GPR158: variants seen among roughly 807,000 people sequenced by gnomAD.
The protein encoded by GPR158 is G protein-coupled receptor 158.
A neutral mutation model predicts 78.2 loss-of-function variants in GPR158; 30 were observed. That is an observed-to-expected ratio of 0.38 (90% confidence interval 0.29 to 0.52). GPR158 has a LOEUF of 0.52. Among genes scored for constraint, GPR158 ranks in the 20% least tolerant of loss-of-function variants. GPR158 has a pLI of 0.83. For synonymous variants in GPR158, 581 were observed against 591.1 expected, an observed-to-expected ratio of 0.98 and a Z score of 0.25; for missense variants, 1,463 against 1,523.5, an observed-to-expected ratio of 0.96 and a Z score of 0.66.
intron 2 of GPR158, among the ~76,000 whole-genome samples, chr10:25,361,251 G>T (rs1855634998): frequency 2.0e-5 from 3 of 151,786 alleles, no homozygotes; most frequent in African/African-American, 7.3e-5. Flanking sequence ...CTATGTTGTG[G>T]CATATGATGG....
chr10:25,509,228 G>A (rs1205349602), intron 5 of GPR158, among the ~76,000 whole-genome samples: 1 of 152,146 alleles, frequency 6.6e-6, no homozygotes, highest in African/African-American at 2.4e-5. Context: ...GCTTCTGATT[G>A]ATTGAGAACT....
intron 2 of GPR158, among the ~76,000 whole-genome samples, chr10:25,337,263 G>T (rs969179780): frequency 6.6e-5 from 10 of 152,052 alleles, no homozygotes; most frequent in African/African-American, 2.4e-4. Flanking sequence ...CCACCATCCA[G>T]ATCAACATAG....
intron 7 of GPR158, among the ~76,000 whole-genome samples, chr10:25,585,582 G>A (rs1837256092): frequency 6.6e-6 from 1 of 152,202 alleles, no homozygotes; most frequent in Admixed American, 6.5e-5. Context: ...GACTTCAACT[G>A]GACATTGAAA....
At chr10:25,378,618 T>C (rs1168558610) in intron 2 of GPR158, among the ~76,000 whole-genome samples, 2 of 151,904 alleles carry the variant, frequency 1.3e-5, no homozygotes, top group Non-Finnish European at 2.9e-5. Context: ...GTTAGGCATA[T>C]ATATATATTG....
intron 1 of GPR158, among the ~76,000 whole-genome samples, chr10:25,205,274 CTTTT>C (rs59202198): frequency 3.4e-4 from 44 of 128,348 alleles, no homozygotes; most frequent in African/African-American, 1.2e-3. Context: ...TGGATCTTCT[CTTTT>C]TTTTTTTTTT....
At chr10:25,432,331 T>C (rs1232903271) in intron 4 of GPR158, among the ~76,000 whole-genome samples, 1 of 152,226 alleles carries the variant, frequency 6.6e-6, no homozygotes, top group Non-Finnish European at 1.5e-5. Flanking sequence ...AACTACCTAC[T>C]CCCATCTATT....
chr10:25,209,926 T>C lies in GPR158; in HGVS notation c.903-11126T>C, dbSNP rs187584816. Among the ~76,000 whole-genome samples the C allele has an allele frequency of 3.3e-5, 5 of 152,360 alleles. No homozygotes were observed. The East Asian group carries it at 9.6e-4, about 29-fold the overall frequency. The stretch of plus-strand genomic sequence containing the variant: ...GTTCTTGGTGCTCTTGTACTTTTTG[T>C]AGTTCTGGGCTTGAGCTAAATGATA... On this transcript the variant is annotated intron_variant, in intron 1 of 10. Coordinates refer to ENST00000376351, the MANE Select transcript of GPR158 (RefSeq NM_020752.3).
chr10:25,459,236 A>G (rs1835327763), intron 4 of GPR158, among the ~76,000 whole-genome samples: 2 of 152,106 alleles, frequency 1.3e-5, no homozygotes, highest in South Asian at 4.1e-4. Context: ...GAAATAGCAT[A>G]ATTAAAAATA....
At chr10:25,209,829 T>TA (rs796856004) in intron 1 of GPR158, among the ~76,000 whole-genome samples, 17 of 152,336 alleles carry the variant, frequency 1.1e-4, no homozygotes, top group African/African-American at 3.8e-4. Flanking sequence ...AGTACTTTGG[T>TA]ACTAAGGTCA....
chr10:25,446,278 C>T (rs1012144021), intron 4 of GPR158, among the ~76,000 whole-genome samples: 1 of 152,082 alleles, frequency 6.6e-6, no homozygotes, highest in Non-Finnish European at 1.5e-5. Flanking sequence ...AAAATAAGTA[C>T]TCAGTTCTAT....
At chr10:25,573,535 T>C (rs992017689) in intron 7 of GPR158, among the ~76,000 whole-genome samples, 1 of 152,244 alleles carries the variant, frequency 6.6e-6, no homozygotes, top group African/African-American at 2.4e-5. Context: ...ATTATTTTTC[T>C]GGCAGCCCAG....
chr10:25,325,122 G>T (rs986389097), intron 2 of GPR158, among the ~76,000 whole-genome samples: 2 of 152,092 alleles, frequency 1.3e-5, no homozygotes, highest in Non-Finnish European at 2.9e-5. Flanking sequence ...AGGATTACAG[G>T]CATGAACCAC....
At chr10:25,280,323 C>A (rs374185985) in intron 2 of GPR158, among the ~76,000 whole-genome samples, 1 of 152,084 alleles carries the variant, frequency 6.6e-6, no homozygotes, top group South Asian at 2.1e-4. Flanking sequence ...GCTGAGATAC[C>A]TATCTTATGT....
At chr10:25,366,794 G>T (rs1346107409) in intron 2 of GPR158, among the ~76,000 whole-genome samples, 1 of 151,216 alleles carries the variant, frequency 6.6e-6, no homozygotes, top group Non-Finnish European at 1.5e-5. Context: ...GACACTTTTA[G>T]ATTGTGTATT....
intron 3 of GPR158, among the ~76,000 whole-genome samples, chr10:25,407,914 C>T (rs748705919): frequency 2.0e-5 from 3 of 152,106 alleles, no homozygotes; most frequent in Non-Finnish European, 2.9e-5. Context: ...CTCCTCTACC[C>T]AAAACCCTAA....
intron 2 of GPR158, among the ~76,000 whole-genome samples, chr10:25,246,171 A>G (rs1233009511): frequency 6.6e-6 from 1 of 152,238 alleles, no homozygotes; most frequent in Non-Finnish European, 1.5e-5. Context: ...GCTCATTTAC[A>G]GTGATTTTTA....
intron 7 of GPR158, among the ~76,000 whole-genome samples, chr10:25,573,292 T>G (rs1172774080): frequency 6.6e-6 from 1 of 152,234 alleles, no homozygotes. Flanking sequence ...GTTGGCCCTA[T>G]AATGTATCAG....
intron 1 of GPR158, among the ~76,000 whole-genome samples, chr10:25,199,904 C>G (rs866241460): frequency 1.3e-5 from 2 of 152,252 alleles, no homozygotes; most frequent in African/African-American, 4.8e-5. Flanking sequence ...TTTTCTTTAT[C>G]CAATCTACTG....
intron 3 of GPR158, among the ~76,000 whole-genome samples, chr10:25,396,920 T>C (rs1834369092): frequency 6.6e-6 from 1 of 152,152 alleles, no homozygotes; most frequent in Non-Finnish European, 1.5e-5. Flanking sequence ...GAGGCCCTTA[T>C]TTTCTGGCTG....
Sources: gnomAD v4.1 joint callset for allele counts (sites outside exome capture counted in the v4.1 genomes callset) on GRCh38, gnomAD v4.1.1 for gene constraint, MANE v1.5 for transcripts, NCBI Gene and HGNC (gene_info 2026-07-23, HGNC 2026-07-21) for gene names.